KLHL25: variants seen among roughly 807,000 people sequenced by gnomAD.
KLHL25 encodes the protein kelch-like protein 25.
A neutral mutation model predicts 30.0 loss-of-function variants in KLHL25; 41 were observed. That is an observed-to-expected ratio of 1.37 (90% CI 1.07 to 1.78). The LOEUF (loss-of-function observed/expected upper bound fraction) is 1.78, where lower values mean the gene tolerates loss of function less well. Among genes scored for constraint, KLHL25 ranks in the 40% most tolerant of loss-of-function variants. The pLI is 0.00. For missense variants in KLHL25, 971 were observed against 824.5 expected, an observed-to-expected ratio of 1.18 and a Z score of -2.18; for synonymous variants, 399 against 355.3, an observed-to-expected ratio of 1.12 and a Z score of -1.38.
In KLHL25 at chr15:85,759,504, A is replaced by T. The variant is rs3743336; in HGVS notation, c.*1532T>A. On this transcript the variant is annotated 3_prime_UTR_variant, in exon 3 of 3. Coordinates refer to ENST00000337975, the MANE Select transcript of KLHL25 (RefSeq NM_022480.4). The stretch of plus-strand genomic sequence containing the variant: ...CGGCCAGGCTCCTGAGTGTGCCAGC[A>T]GAGCCGTCCCCTGGGACCACAGCCA... 31,619 of 152,422 alleles carry T rather than the reference A, an allele frequency of 0.21. 3,391 individuals are homozygous for T. Among genetic ancestry groups the T allele is most frequent in the East Asian group, 0.35 (1,797 of 5,180 alleles). 9.4% of individuals were successfully genotyped at this position (152,422 alleles called of 1,614,324 possible). A position where few individuals can be genotyped will look rare whatever the true frequency, so the allele number is the denominator to read the frequency against.
intron 1 of KLHL25, among the ~76,000 whole-genome samples, chr15:85,790,224 G>T (rs983170349): frequency 6.6e-6 from 1 of 152,208 alleles, no homozygotes; most frequent in Non-Finnish European, 1.5e-5. Flanking sequence ...AAGTAGCTGG[G>T]ATTACAGGCA....
In KLHL25 at chr15:85,769,506, A is replaced by G. The variant is rs777138010; in HGVS notation, c.305T>C (p.Leu102Pro). The change falls in exon 2 of 3, where the codon CTG (leucine) becomes CCG (proline). Residue 102 changes from leucine (L) to proline (P), a missense_variant. Coordinates refer to ENST00000337975, the MANE Select transcript of KLHL25 (RefSeq NM_022480.4). ...GATGCGTGAGGAGTAGGCAAAGTCC[A>G]GCAGCAGCTCCAGCACCTCCGGGTG... ...NLHPEVLELLLDFAYSSRIAI... is the reference protein window; with the variant it reads ...NLHPEVLELLPDFAYSSRIAI... 6.2e-7 allele frequency: 1 copy of G among 1,614,012 alleles called. No individual in the cohort carries two copies. Among genetic ancestry groups the G allele is most frequent in the South Asian group, 1.1e-5 (1 of 91,092 alleles).
At chr15:85,782,294 A>G (rs1420757626) in intron 1 of KLHL25, among the ~76,000 whole-genome samples, 1 of 152,040 alleles carries the variant, frequency 6.6e-6, no homozygotes, top group Non-Finnish European at 1.5e-5. Context: ...GGGACCTTGC[A>G]TTGGGGTTTT....
At chr15:85,778,316 G>C (rs2089723079) in intron 1 of KLHL25, among the ~76,000 whole-genome samples, 2 of 152,178 alleles carry the variant, frequency 1.3e-5, no homozygotes, top group South Asian at 2.1e-4. Flanking sequence ...TCACCCACCA[G>C]AGAGCCAGAA....
At chr15:85,780,103 C>G (rs1259070763) in intron 1 of KLHL25, among the ~76,000 whole-genome samples, 1 of 152,210 alleles carries the variant, frequency 6.6e-6, no homozygotes. Flanking sequence ...AAGGTGCCGC[C>G]TGGCTTCTAC....
At chr15:85,773,629 G>C (rs2542596) in intron 1 of KLHL25, among the ~76,000 whole-genome samples, 91,351 of 151,982 alleles carry the variant, frequency 0.6, 27,647 homozygotes, top group Middle Eastern at 0.72. Flanking sequence ...GTCATCCTCC[G>C]AACTGCTGTG....
chr15:85,767,702 A>G (rs1450311639), intron 2 of KLHL25, among the ~76,000 whole-genome samples: 9 of 152,222 alleles, frequency 5.9e-5, no homozygotes, highest in African/African-American at 2.2e-4. Context: ...CAGACTCTGC[A>G]GGTTGACCTA....
At chr15:85,764,097 A>C (rs2089601924) in intron 2 of KLHL25, 1 of 152,264 alleles carries the variant, frequency 6.6e-6, no homozygotes, top group Admixed American at 6.5e-5. Context: ...CTGAGCAGCG[A>C]GAGCTCTGCT....
chr15:85,765,769 T>C (rs1031254957), intron 2 of KLHL25, among the ~76,000 whole-genome samples: 1 of 149,284 alleles, frequency 6.7e-6, no homozygotes, highest in Non-Finnish European at 1.5e-5. Context: ...GAGGTGGAGG[T>C]TGCAGTGAGC....
intron 1 of KLHL25, among the ~76,000 whole-genome samples, chr15:85,782,057 A>G (rs909766628): frequency 2.0e-5 from 3 of 152,176 alleles, no homozygotes; most frequent in African/African-American, 7.2e-5. Context: ...TCTCCAAAAA[A>G]AAAAAGACCT....
chr15:85,774,398 T>C (rs1027027974), intron 1 of KLHL25, among the ~76,000 whole-genome samples: 4 of 152,186 alleles, frequency 2.6e-5, no homozygotes, highest in African/African-American at 7.2e-5. Context: ...TCAGCTAAAA[T>C]GTACCGGGTA....
chr15:85,786,181 T>A (rs368030880), intron 1 of KLHL25, among the ~76,000 whole-genome samples: 1 of 152,258 alleles, frequency 6.6e-6, no homozygotes, highest in East Asian at 1.9e-4. Flanking sequence ...AGGGTCCCAT[T>A]GTCCCCTTGG....
intron 2 of KLHL25, chr15:85,762,500 T>A (rs533240702): frequency 6.6e-6 from 1 of 151,860 alleles, no homozygotes; most frequent in South Asian, 2.1e-4. Flanking sequence ...TGGCAGGTGC[T>A]CCCTGGGGCC....
chr15:85,791,553 T>A (rs2089816947), intron 1 of KLHL25, among the ~76,000 whole-genome samples: 1 of 150,078 alleles, frequency 6.7e-6, no homozygotes, highest in African/African-American at 2.5e-5. Context: ...AACAGGGTGC[T>A]GGGACAGGGC....
At chr15:85,765,645 G>T (rs1243012955) in intron 2 of KLHL25, among the ~76,000 whole-genome samples, 6 of 142,048 alleles carry the variant, frequency 4.2e-5, no homozygotes, top group African/African-American at 1.3e-4. Flanking sequence ...AGAAGAAGAA[G>T]AAGAAGAAGA....
intron 2 of KLHL25, among the ~76,000 whole-genome samples, chr15:85,766,994 A>AT (rs35838334): frequency 0.54 from 76,182 of 140,784 alleles, 20,853 homozygotes; most frequent in East Asian, 0.75. Flanking sequence ...GTTGGCGATC[A>AT]TTTTTTTTTT....
Position 85,768,483 on chromosome 15 carries a change from T to G in KLHL25, c.1328A>C (p.Lys443Thr), listed in dbSNP as rs2089640205. ...GVSNAAVVSA[K>T]LKLFVFGGTS... is the part of the protein sequence containing the mutation. ...TCCTCCGAAAACAAAGAGCTTCAGCTTGGCACTCACCACTGCGGCATTGCT... is the reference window on the plus strand; with the variant it reads ...TCCTCCGAAAACAAAGAGCTTCAGCGTGGCACTCACCACTGCGGCATTGCT... Residue 443 changes from lysine (K) to threonine (T), a missense_variant, in exon 2 of 3, where the codon AAG becomes ACG. Physicochemically the swap from Lys to Thr is moderately conservative, Grantham distance 78. Coordinates refer to ENST00000337975, the MANE Select transcript of KLHL25 (RefSeq NM_022480.4). 3 of 1,613,712 alleles carry G rather than the reference T, an allele frequency of 1.9e-6. No homozygotes were observed. The highest frequency in any genetic ancestry group is 2.5e-6 in the Non-Finnish European group (3 of 1,180,000).
intron 1 of KLHL25, among the ~76,000 whole-genome samples, chr15:85,793,975 CA>C (rs528757292): frequency 6.6e-6 from 1 of 152,082 alleles, no homozygotes; most frequent in Non-Finnish European, 1.5e-5. Context: ...AGCAGCAACA[CA>C]AAAAAAGTAT....
At chr15:85,770,824 G>C (rs1333895391) in intron 1 of KLHL25, among the ~76,000 whole-genome samples, 1 of 152,210 alleles carries the variant, frequency 6.6e-6, no homozygotes, top group African/African-American at 2.4e-5. Flanking sequence ...CTGGCGCTCA[G>C]AGTGATGGAG....
Sources: gnomAD v4.1 joint callset for allele counts (sites outside exome capture counted in the v4.1 genomes callset) on GRCh38, gnomAD v4.1.1 for gene constraint, MANE v1.5 for transcripts, NCBI Gene and HGNC (gene_info 2026-07-23, HGNC 2026-07-21) for gene names.